The following TUT4 variants were observed in gnomAD, a reference collection of about 807,000 sequenced individuals.
The protein encoded by TUT4 is terminal uridylyl transferase 4, also known as terminal uridylyltransferase 4.
TUT4 carries 36 observed loss-of-function variants against 192.2 expected under a neutral mutation model. The observed-to-expected ratio is 0.19, with a 90% confidence interval of 0.14 to 0.25. The LOEUF (loss-of-function observed/expected upper bound fraction) is 0.25. Ranked by LOEUF, TUT4 falls within the 10% of genes least tolerant of loss-of-function variation. The probability of loss-of-function intolerance (pLI) is 1.00; values close to 1 mark genes in which losing one functional copy is unlikely to be tolerated. For missense variants in TUT4, 1,493 were observed against 1,957.2 expected (o/e 0.76, Z 4.47); for synonymous variants, 618 against 666.0 (o/e 0.93, Z 1.11).
Position 52,481,615 on chromosome 1 carries a change from T to C in TUT4, c.1656A>G (p.Lys552=), listed in dbSNP as rs778484265. The part of the protein sequence containing the change: ...LGSWIEGFDP[K]RMDDFQLKGI... Reference sequence around the variant, plus strand: ...CCTTCAGCTGAAAGTCATCCATTCTTTTTGGGTCAAAGCCTTCAATCTATA... The same window carrying C: ...CCTTCAGCTGAAAGTCATCCATTCTCTTTGGGTCAAAGCCTTCAATCTATA... Residue 552 remains lysine, a synonymous_variant, in exon 11 of 30, where the codon AAA becomes AAG. Transcript: ENST00000257177. 1.2e-6 allele frequency: 2 copies of C among 1,613,530 alleles called. No individual in the cohort carries two copies. Among genetic ancestry groups the C allele is most frequent in the Non-Finnish European group, 1.7e-6 (2 of 1,179,918 alleles).
At position 52,503,840 on chromosome 1, in the gene TUT4, C is replaced by T. The variant is rs147836254; in HGVS notation, c.999+5756G>A. ...CCTATTATTCTACTCATTCACCAAT[C>T]TATTCACTGTTCTTCCTCTACTAGT... On this transcript the variant is annotated intron_variant, in intron 4 of 29. Transcript: ENST00000257177. Among the ~76,000 whole-genome samples, 93 of 152,332 alleles carry T rather than the reference C, an allele frequency of 6.1e-4. 1 individual carries two copies. The East Asian group carries it at 0.014, about 22-fold the overall frequency.
intron 9 of TUT4, among the ~76,000 whole-genome samples, chr1:52,487,141 T>A (rs1669989131): frequency 6.6e-6 from 1 of 152,104 alleles, no homozygotes; most frequent in Admixed American, 6.6e-5. Flanking sequence ...ATAGGTGAAG[T>A]ACCTTGCTTG....
chr1:52,424,289 A>G, intron 29 of TUT4: 1 of 380,396 alleles, frequency 2.6e-6, no homozygotes, highest in Non-Finnish European at 4.9e-6. Flanking sequence ...CTTATGACTA[A>G]TAGTAACTTC....
chr1:52,535,434 T>G (rs1431542371), intron 1 of TUT4, among the ~76,000 whole-genome samples: 1 of 152,190 alleles, frequency 6.6e-6, no homozygotes, highest in Non-Finnish European at 1.5e-5. Context: ...ATCTCATATT[T>G]CTAAAGACCA....
At chr1:52,496,159 A>G (rs1672393609) in intron 5 of TUT4, among the ~76,000 whole-genome samples, 1 of 152,138 alleles carries the variant, frequency 6.6e-6, no homozygotes, top group Non-Finnish European at 1.5e-5. Context: ...GATCAAGAAG[A>G]TTTAGTTTCT....
intron 1 of TUT4, among the ~76,000 whole-genome samples, chr1:52,544,922 G>A (rs1687671914): frequency 6.6e-6 from 1 of 151,904 alleles, no homozygotes; most frequent in African/African-American, 2.4e-5. Flanking sequence ...GTGTCGTGGT[G>A]ACATGTGCCT....
At position 52,431,028 on chromosome 1, in the gene TUT4, C is replaced by T. The variant is rs1294543419; in HGVS notation, c.4696G>A (p.Ala1566Thr). 3 of 1,592,256 alleles carry T rather than the reference C, an allele frequency of 1.9e-6. No individual in the cohort carries two copies. Among genetic ancestry groups the T allele is most frequent in the Admixed American group, 3.4e-5 (2 of 58,850 alleles). Residue 1566 changes from alanine to threonine, a missense_variant, in exon 28 of 30, where the codon GCA becomes ACA. Transcript: ENST00000257177. ...GAAAGGTTACCTGAATTCCCCACTG[C>T]ACCACTGTTTACCAGGGAATTTGGA... ...VAPNSLVNSG[A>T]VGNSEPGFRG...
chr1:52,495,935 TATAAAATAC>T (rs1672338641), intron 5 of TUT4, among the ~76,000 whole-genome samples: 1 of 152,140 alleles, frequency 6.6e-6, no homozygotes, highest in Non-Finnish European at 1.5e-5. Flanking sequence ...CCAATGCTTT[TATAAAATAC>T]GAAGTGAAGC....
chr1:52,532,958 G>A (rs1196349635), intron 1 of TUT4, among the ~76,000 whole-genome samples: 1 of 152,066 alleles, frequency 6.6e-6, no homozygotes, highest in African/African-American at 2.4e-5. Context: ...CAACTGCCCC[G>A]CTTCAATCAT....
intron 16 of TUT4, chr1:52,462,909 T>C: frequency 1.0e-6 from 1 of 985,398 alleles, no homozygotes; most frequent in Non-Finnish European, 1.2e-6. Flanking sequence ...CCAAGAGTTA[T>C]AAAGTCATTT....
chr1:52,451,069 T>G (rs1331595970), intron 20 of TUT4, among the ~76,000 whole-genome samples: 1 of 151,710 alleles, frequency 6.6e-6, no homozygotes, highest in African/African-American at 2.4e-5. Context: ...ATCGAGACCA[T>G]CCTGGCTAAC....
chr1:52,514,471 G>C (rs772504546), intron 3 of TUT4, among the ~76,000 whole-genome samples: 1 of 152,016 alleles, frequency 6.6e-6, no homozygotes, highest in African/African-American at 2.4e-5. Flanking sequence ...AAGTATAAGA[G>C]CAAATTGCAA....
intron 9 of TUT4, among the ~76,000 whole-genome samples, chr1:52,482,126 A>T (rs1668628558): frequency 6.6e-6 from 1 of 152,160 alleles, no homozygotes; most frequent in South Asian, 2.1e-4. Flanking sequence ...AAATTCATAC[A>T]AAGATACATA....
In TUT4 at chr1:52,459,147, G is replaced by A. The variant is rs190082748; in HGVS notation, c.3322-698C>T. Among the ~76,000 whole-genome samples the A allele has an allele frequency of 8.7e-3, 1,329 of 151,996 alleles. 22 individuals are homozygous for A. Among genetic ancestry groups the A allele is most frequent in the African/African-American group, 0.03 (1,261 of 41,454 alleles). On this transcript the variant is annotated intron_variant, in intron 19 of 29. Transcript: ENST00000257177. ...CTAAAAATAAAAAAGTTAGCCGGGTGTGGTGGCGGGCGCCTGTAGTCCCAG... is the reference window on the plus strand; with the variant it reads ...CTAAAAATAAAAAAGTTAGCCGGGTATGGTGGCGGGCGCCTGTAGTCCCAG...
intron 5 of TUT4, among the ~76,000 whole-genome samples, chr1:52,496,062 T>C (rs1672366884): frequency 6.6e-6 from 1 of 152,106 alleles, no homozygotes; most frequent in African/African-American, 2.4e-5. Context: ...TCCCAGACTA[T>C]GAAACATGTT....
chr1:52,529,393 T>C (rs78242331), intron 1 of TUT4, among the ~76,000 whole-genome samples: 1,837 of 152,304 alleles, frequency 0.012, 49 homozygotes, highest in African/African-American at 0.043. Flanking sequence ...TCAGAAAAGT[T>C]GTCAAAACAT....
chr1:52,530,998 T>C (rs142094603), intron 1 of TUT4, among the ~76,000 whole-genome samples: 3 of 152,164 alleles, frequency 2.0e-5, no homozygotes, highest in African/African-American at 7.2e-5. Flanking sequence ...AGCCAGAACT[T>C]GTCTCAAAAA....
chr1:52,451,004 G>T (rs753707945), intron 20 of TUT4, among the ~76,000 whole-genome samples: 4 of 152,162 alleles, frequency 2.6e-5, no homozygotes, highest in African/African-American at 9.6e-5. Flanking sequence ...GGTGGCACAC[G>T]CCTGTAATCC....
chr1:52,451,407 TAAGAA>T (rs1208008532), intron 20 of TUT4, among the ~76,000 whole-genome samples: 1 of 152,126 alleles, frequency 6.6e-6, no homozygotes, highest in Admixed American at 6.5e-5. Context: ...CCAGGCTAAT[TAAGAA>T]GAGAAGGTAT....
Sources: gnomAD v4.1 joint callset for allele counts (sites outside exome capture counted in the v4.1 genomes callset) on GRCh38, gnomAD v4.1.1 for gene constraint, MANE v1.5 for transcripts, NCBI Gene and HGNC (gene_info 2026-07-23, HGNC 2026-07-21) for gene names.